Variants in PCSK1 observed in about 807,000 individuals in gnomAD.
PCSK1 encodes neuroendocrine convertase 1.
PCSK1 carries 56 observed loss-of-function variants against 90.6 expected under a neutral mutation model. The observed-to-expected ratio is 0.62, with a 90% CI of 0.50 to 0.77. The LOEUF (loss-of-function observed/expected upper bound fraction) is 0.77, where lower values mean the gene tolerates loss of function less well. Among genes scored for constraint, PCSK1 ranks in the 30% least tolerant of loss-of-function variants. The probability of loss-of-function intolerance (pLI) is 0.00; values close to 1 mark genes in which losing one functional copy is unlikely to be tolerated. For synonymous variants in PCSK1, 348 were observed against 342.4 expected, an observed-to-expected ratio of 1.02 and a Z score of -0.18; for missense variants, 801 against 932.6, an observed-to-expected ratio of 0.86 and a Z score of 1.84.
chr5:96,393,602 G>T (rs1302540958), intron 13 of PCSK1, among the ~76,000 whole-genome samples: 4 of 152,168 alleles, frequency 2.6e-5, no homozygotes. Flanking sequence ...AACTTCACCT[G>T]TCAGGTGGAA....
intron 12 of PCSK1, 33 bp downstream of exon 12, chr5:96,397,303 C>G: frequency 6.3e-7 from 1 of 1,599,386 alleles, no homozygotes; most frequent in East Asian, 2.2e-5. Flanking sequence ...TAAAAGTAAG[C>G]TTGTGTTTTT....
intron 9 of PCSK1, among the ~76,000 whole-genome samples, chr5:96,402,078 C>A (rs1237655871): frequency 6.6e-6 from 1 of 152,204 alleles, no homozygotes; most frequent in Non-Finnish European, 1.5e-5. Flanking sequence ...GGAGAACAAT[C>A]ATCAGGGGAG....
In PCSK1 at chr5:96,393,912, A is replaced by G. The variant is rs1204254682; in HGVS notation, c.1885-534T>C. On this transcript the variant is annotated intron_variant, in intron 13 of 13. Coordinates refer to ENST00000311106, the MANE Select transcript of PCSK1 (RefSeq NM_000439.5). ...GGGAGGAGGGAGCTGGAGAGCTCAG[A>G]GAAGCCAACCTTGGCCAACTGCTGT... Among the ~76,000 whole-genome samples the G allele has an allele frequency of 2.0e-5, 3 of 152,182 alleles. No homozygotes were observed. In the East Asian group the frequency reaches 5.8e-4, roughly 29 times the overall value.
chr5:96,404,824 G>A (rs1020904308), intron 9 of PCSK1, among the ~76,000 whole-genome samples: 2 of 152,128 alleles, frequency 1.3e-5, no homozygotes, highest in Non-Finnish European at 2.9e-5. Flanking sequence ...ATTTATAGGT[G>A]AAATTAATAA....
chr5:96,393,741 T>C (rs1760036942), intron 13 of PCSK1, among the ~76,000 whole-genome samples: 1 of 152,162 alleles, frequency 6.6e-6, no homozygotes. Context: ...GCAGAGGATA[T>C]CAAAATATCT....
Position 96,412,375 on chromosome 5 carries a change from T to C in PCSK1, c.825A>G (p.Lys275=). The C allele has an allele frequency of 6.2e-7, 1 of 1,614,158 alleles. No homozygotes were observed. The highest frequency in any genetic ancestry group is 1.1e-5 in the South Asian group (1 of 91,078). Residue 275 remains lysine, a synonymous_variant, in exon 7 of 14, where the codon AAA becomes AAG. Transcript: ENST00000311106. ...SASWGPNDDG[K]TVEGPGRLAQ... The stretch of plus-strand genomic sequence containing the variant: ...CTAGCCGGCCAGGCCCCTCCACAGT[T>C]TTCCCATCATCATTAGGGCCCCAGC...
rs780401081 is a variant in PCSK1 at position 96,400,141 on chromosome 5, G to A, written c.1242C>T (p.Thr414=). ...WRDMQHLVVW[T]SEYDPLANNP... Reference sequence around the variant, plus strand: ...TATTGGCCAGCGGGTCATACTCAGAGGTCCAGACAACCAGGTGCTGCATAT... The same window carrying A: ...TATTGGCCAGCGGGTCATACTCAGAAGTCCAGACAACCAGGTGCTGCATAT... Residue 414 remains threonine, a synonymous_variant, in exon 10 of 14, where the codon ACC becomes ACT. Coordinates refer to ENST00000311106, the MANE Select transcript of PCSK1 (RefSeq NM_000439.5). 3 of 1,614,160 alleles carry A rather than the reference G, an allele frequency of 1.9e-6. No homozygotes were observed. Among genetic ancestry groups the A allele is most frequent in the South Asian group, 1.1e-5 (1 of 91,086 alleles).
intron 6 of PCSK1, among the ~76,000 whole-genome samples, chr5:96,413,981 A>T (rs1760860356): frequency 6.7e-6 from 1 of 148,396 alleles, no homozygotes. Flanking sequence ...AAAAAAAAAA[A>T]AAAAAAAATT....
chr5:96,414,559 T>TA (rs889497530), intron 6 of PCSK1, among the ~76,000 whole-genome samples: 5 of 152,146 alleles, frequency 3.3e-5, no homozygotes, highest in Admixed American at 3.3e-4. Context: ...AGATTATTGG[T>TA]AAAAAATGCA....
intron 12 of PCSK1, among the ~76,000 whole-genome samples, chr5:96,395,922 ATAAT>A (rs1357586375): frequency 6.6e-6 from 1 of 152,244 alleles, no homozygotes; most frequent in Non-Finnish European, 1.5e-5. Context: ...ACAATTATAA[ATAAT>A]GTGTTAAAAT....
At position 96,392,100 on chromosome 5, in the gene PCSK1, C is replaced by G. The variant is rs1331064867; in HGVS notation, c.*901G>C. ...GTATTTTTCTATTATTACATTAGGT[C>G]TCCATGTGATAAGTGGTTTCCTGTT... On this transcript the variant is annotated 3_prime_UTR_variant, in exon 14 of 14. Transcript: ENST00000311106. 6.6e-6 allele frequency: 1 copy of G among 151,936 alleles called. No individual in the cohort carries two copies. Among genetic ancestry groups the G allele is most frequent in the African/African-American group, 2.4e-5 (1 of 41,366 alleles). 9.4% of individuals were successfully genotyped at this position (151,936 alleles called of 1,614,324 possible).
In PCSK1 at chr5:96,410,815, C is replaced by T. The variant is rs1290678842; in HGVS notation, c.1054G>A (p.Ala352Thr). The T allele has an allele frequency of 1.2e-6, 2 of 1,613,950 alleles. No homozygotes were observed. The highest frequency in any genetic ancestry group is 1.7e-6 in the Non-Finnish European group (2 of 1,179,964). ...WYAEKCSSTL[A>T]TSYSSGDYTD... Reference sequence around the variant, plus strand: ...TAATCTCCGCTGCTGTAAGAGGTGGCCAGTGTGGAGGAGCACTTCTCAGCG... The same window carrying T: ...TAATCTCCGCTGCTGTAAGAGGTGGTCAGTGTGGAGGAGCACTTCTCAGCG... The change falls in exon 8 of 14, where the codon GCC becomes ACC. Residue 352 changes from alanine to threonine, a missense_variant. Physicochemically the swap from Ala to Thr is moderately conservative, Grantham distance 58 (BLOSUM62 0). Coordinates refer to ENST00000311106, the MANE Select transcript of PCSK1 (RefSeq NM_000439.5).
At chr5:96,419,537 A>T (rs919886798) in intron 5 of PCSK1, among the ~76,000 whole-genome samples, 9 of 151,558 alleles carry the variant, frequency 5.9e-5, no homozygotes, top group African/African-American at 2.2e-4. Flanking sequence ...CAAAGAAGTT[A>T]AATAATTTCC....
chr5:96,410,653 T>C (rs2112419262), intron 8 of PCSK1, 121 bp downstream of exon 8: 1 of 849,876 alleles, frequency 1.2e-6, no homozygotes, highest in Non-Finnish European at 2.0e-6. Flanking sequence ...GTGTGAGTTC[T>C]CCCAACTGAG....
At chr5:96,397,730 A>G (rs1339805350) in intron 11 of PCSK1, among the ~76,000 whole-genome samples, 7 of 152,192 alleles carry the variant, frequency 4.6e-5, no homozygotes, top group Non-Finnish European at 8.8e-5. Flanking sequence ...TGAATGAATG[A>G]ATGAAAATGT....
chr5:96,432,120 A>G, intron 1 of PCSK1: 1 of 1,535,806 alleles, frequency 6.5e-7, no homozygotes, highest in Middle Eastern at 1.7e-4. Flanking sequence ...TCCCTTCCCC[A>G]TAGTCAGTTC....
Position 96,394,853 on chromosome 5 carries a change from G to T in PCSK1, c.1884+11C>A, listed in dbSNP as rs1389335567. The T allele has an allele frequency of 2.5e-6, 4 of 1,613,462 alleles. No homozygotes were observed. Among genetic ancestry groups the T allele is most frequent in the Non-Finnish European group, 3.4e-6 (4 of 1,179,476 alleles). On this transcript the variant is annotated intron_variant, in intron 13 of 13. Transcript: ENST00000311106. The stretch of plus-strand genomic sequence containing the variant: ...CAAAAGAGAGCATGCCAAGAACAGA[G>T]CCACACAGACCTCCCCTGGATCCAC...
chr5:96,431,883 G>A (rs892342742), intron 1 of PCSK1, among the ~76,000 whole-genome samples: 2 of 152,088 alleles, frequency 1.3e-5, no homozygotes, highest in African/African-American at 2.4e-5. Context: ...CAGGGGGCGA[G>A]GGCTTGATTC....
rs368359155 is a variant in PCSK1, at chr5:96,412,308, A to C, written c.882+10T>G. 3.1e-6 allele frequency: 5 copies of C among 1,612,804 alleles called. No individual in the cohort carries two copies. Among genetic ancestry groups the C allele is most frequent in the Non-Finnish European group, 4.2e-6 (5 of 1,178,886 alleles). ...TTTCATTTCATGTGGGTCTGTGTAA[A>C]GCATCTTACCTGTTTGACACCATAT... On this transcript the variant is annotated intron_variant, in intron 7 of 13. Transcript: ENST00000311106.
Sources: allele counts gnomAD v4.1 joint callset (sites outside exome capture counted in the v4.1 genomes callset), GRCh38; gene constraint gnomAD v4.1.1; transcripts MANE v1.5; gene names NCBI Gene and HGNC (gene_info 2026-07-23, HGNC 2026-07-21).